Variants in PLEKHH1 observed in about 807,000 individuals in gnomAD.
PLEKHH1 encodes the protein pleckstrin homology, MyTH4 and FERM domain containing H1.
A neutral mutation model predicts 160.0 loss-of-function variants in PLEKHH1; 104 were observed. The ratio of observed to expected loss-of-function variants is 0.65; its 90% CI spans 0.55 to 0.76. PLEKHH1 has a LOEUF of 0.76. Ranked by LOEUF, PLEKHH1 falls within the 30% of genes least tolerant of loss-of-function variation. The pLI is 0.00. For missense variants in PLEKHH1, 1,427 were observed against 1,724.1 expected, an observed-to-expected ratio of 0.83 and a Z score of 3.05; for synonymous variants, 619 against 678.4, an observed-to-expected ratio of 0.91 and a Z score of 1.36.
chr14:67,545,518 G>C (rs149869069), intron 2 of PLEKHH1, among the ~76,000 whole-genome samples: 1 of 151,890 alleles, frequency 6.6e-6, no homozygotes, highest in Non-Finnish European at 1.5e-5. Context: ...ATACAGATAG[G>C]GACAAGAAAA....
intron 7 of PLEKHH1, among the ~76,000 whole-genome samples, chr14:67,564,302 CCTTA>C (rs1164745553): frequency 6.6e-6 from 1 of 152,160 alleles, no homozygotes; most frequent in Non-Finnish European, 1.5e-5. Context: ...AGGCCAGCTT[CCTTA>C]CTTGTAACAT....
chr14:67,583,555 C>A (rs1005815499), intron 24 of PLEKHH1, among the ~76,000 whole-genome samples, 186 bp from the exon 25 acceptor site: 2 of 152,164 alleles, frequency 1.3e-5, no homozygotes, highest in African/African-American at 4.8e-5. Context: ...TATTCGAGGG[C>A]CCTAAGTTTG....
intron 5 of PLEKHH1, among the ~76,000 whole-genome samples, chr14:67,560,271 C>T (rs987080730): frequency 2.0e-5 from 3 of 152,182 alleles, no homozygotes; most frequent in Non-Finnish European, 2.9e-5. Context: ...AGGTGATTCA[C>T]CCACCTCGGC....
intron 1 of PLEKHH1, among the ~76,000 whole-genome samples, chr14:67,539,803 T>A (rs2033893182): frequency 6.6e-6 from 1 of 152,240 alleles, no homozygotes; most frequent in African/African-American, 2.4e-5. Flanking sequence ...TGTTCCTCAG[T>A]GTCCTCATGT....
chr14:67,534,945 T>C (rs1332938467), intron 1 of PLEKHH1, among the ~76,000 whole-genome samples: 2 of 152,202 alleles, frequency 1.3e-5, no homozygotes, highest in Admixed American at 6.5e-5. Flanking sequence ...TAGCAAAAGG[T>C]TGGAAACAAT....
At chr14:67,549,423 A>C (rs557605569) in intron 2 of PLEKHH1, among the ~76,000 whole-genome samples, 15 of 152,120 alleles carry the variant, frequency 9.9e-5, no homozygotes, top group African/African-American at 3.6e-4. Flanking sequence ...GGCACATGCC[A>C]CCACGCCCAG....
At chr14:67,579,968 T>C (rs1566761452) in intron 22 of PLEKHH1, 92 bp downstream of exon 22, 10 of 1,234,272 alleles carry the variant, frequency 8.1e-6, no homozygotes, top group African/African-American at 1.5e-5. Context: ...TCTGACTGTT[T>C]GGTAGCTCAT....
In PLEKHH1 at chr14:67,573,294, G is replaced by C; in HGVS notation, c.1747G>C (p.Gly583Arg). 6.2e-7 allele frequency: 1 copy of C among 1,612,748 alleles called. No individual in the cohort carries two copies. ...GLGGESLEKS[G>R]YLLKMGSQVK... Reference sequence around the variant, plus strand: ...CCCTCAGGAGTCACTGGAGAAGTCGGGCTACCTGCTGAAAATGGGGAGCCA... The same window carrying C: ...CCCTCAGGAGTCACTGGAGAAGTCGCGCTACCTGCTGAAAATGGGGAGCCA... The change falls in exon 12 of 29, where the codon GGC becomes CGC. Residue 583 changes from glycine to arginine, a missense_variant. Coordinates refer to ENST00000329153, the MANE Select transcript of PLEKHH1 (RefSeq NM_020715.3). The surrounding 1 kb of genome is among the most constrained non-coding windows in gnomAD (Gnocchi z 4.8).
At chr14:67,585,185 C>T in intron 26 of PLEKHH1, 1 of 173,048 alleles carries the variant, frequency 5.8e-6, no homozygotes, top group Non-Finnish European at 1.2e-5. Flanking sequence ...AGGTGGAATG[C>T]CGTGTTTCCA....
Position 67,573,054 on chromosome 14 carries a change from T to A in PLEKHH1, c.1729-222T>A, listed in dbSNP as rs1328555005. 6.6e-6 allele frequency among the ~76,000 whole-genome samples: 1 copy of A among 152,238 alleles called. No homozygotes were observed. Among genetic ancestry groups the A allele is most frequent in the Non-Finnish European group, 1.5e-5 (1 of 68,040 alleles). ...TTCTCATAGTGAGGTCTTCCCCAGCTAGCATGGGAGCCCTTCCTTGGCAGG... is the reference window on the plus strand; with the variant it reads ...TTCTCATAGTGAGGTCTTCCCCAGCAAGCATGGGAGCCCTTCCTTGGCAGG... On this transcript the variant is annotated intron_variant, in intron 11 of 28. Transcript: ENST00000329153. This position sits in a 1 kb window ranked among gnomAD's most constrained non-coding sequence, Gnocchi z 4.8.
chr14:67,583,952 C>T lies in PLEKHH1; in HGVS notation c.3570-43C>T, dbSNP rs376090381. 83 of 1,612,468 alleles carry T rather than the reference C, an allele frequency of 5.1e-5. No individual in the cohort carries two copies. In the South Asian group the frequency reaches 7.7e-4, roughly 15 times the overall value. On this transcript the variant is annotated intron_variant, in intron 25 of 28. Coordinates refer to ENST00000329153, the MANE Select transcript of PLEKHH1 (RefSeq NM_020715.3). ...TCTCAGGCCTGGAATGAAGACACGT[C>T]GGCACTTCATTGGCACTATTTCTCT...
At position 67,579,865 on chromosome 14, in the gene PLEKHH1, G is replaced by C. The variant is rs772013981; in HGVS notation, c.3172G>C (p.Gly1058Arg). 1 of 1,601,184 alleles carries C rather than the reference G, an allele frequency of 6.2e-7. No homozygotes were observed. The highest frequency in any genetic ancestry group is 8.5e-7 in the Non-Finnish European group (1 of 1,173,986). ...SGRDLEHCLQ[G>R]SVKICDAISK... ...CAGGGACCTGGAGCACTGCCTGCAG[G>C]GAAGTGTCAAGGTGACAGCCTCCCA... The change falls in exon 22 of 29, where the codon GGA (glycine) becomes CGA (arginine). Residue 1058 changes from glycine (G) to arginine (R), a missense_variant. Transcript: ENST00000329153.
intron 8 of PLEKHH1, among the ~76,000 whole-genome samples, chr14:67,569,551 A>G (rs531805589): frequency 1.3e-5 from 2 of 152,198 alleles, no homozygotes; most frequent in Non-Finnish European, 2.9e-5. Flanking sequence ...CCTGATTTAC[A>G]TGAACCCCAC....
chr14:67,584,861 T>C lies in PLEKHH1; in HGVS notation c.3700-707T>C, dbSNP rs546687099. On this transcript the variant is annotated intron_variant, in intron 26 of 28. Coordinates refer to ENST00000329153, the MANE Select transcript of PLEKHH1 (RefSeq NM_020715.3). ...ATATATATTTATAAGCCATCACAAA[T>C]GCTATGAAGATGTACAGAGGTGTTA... Among the ~76,000 whole-genome samples, 161 of 152,342 alleles carry C rather than the reference T, an allele frequency of 1.1e-3. 1 individual carries two copies. The highest frequency in any genetic ancestry group is 3.8e-3 in the African/African-American group (156 of 41,580).
At chr14:67,562,993 G>A (rs1594766647) in intron 7 of PLEKHH1, 99 bp downstream of exon 7, 1 of 1,254,514 alleles carries the variant, frequency 8.0e-7, no homozygotes, top group Non-Finnish European at 1.1e-6. Context: ...GGAGGCTGCT[G>A]GCATCCTCAT....
chr14:67,541,989 A>T lies in PLEKHH1; in HGVS notation c.122A>T (p.Asp41Val). Residue 41 changes from aspartate (D) to valine (V), a missense_variant, in exon 2 of 29, where the codon GAC (aspartate) becomes GTC (valine). Physicochemically the swap from Asp to Val is radical, Grantham distance 152. Transcript: ENST00000329153. ...AGCAAGATAAGGGAGCTGCTGGCTG[A>T]CAAGGTGAGTCCCTCAGAGCAGGGA... ...QASKIRELLA[D>V]KMQELEQRLL... The T allele has an allele frequency of 6.2e-7, 1 of 1,604,558 alleles. No homozygotes were observed. The highest frequency in any genetic ancestry group is 8.5e-7 in the Non-Finnish European group (1 of 1,176,058).
Position 67,555,839 on chromosome 14 carries a change from G to A in PLEKHH1, c.141G>A (p.Glu47=). ...TGGCCAAGCAGATGCAGGAGCTGGA[G>A]CAGAGGCTGCTGGAGGCAGAGCAGA... is the stretch of plus-strand genomic sequence containing the variant. ...ELLADKMQEL[E]QRLLEAEQRA... Residue 47 remains glutamate, a synonymous_variant, in exon 3 of 29, where the codon GAG becomes GAA. Transcript: ENST00000329153. 1 of 1,613,318 alleles carries A rather than the reference G, an allele frequency of 6.2e-7. No individual in the cohort carries two copies.
chr14:67,581,047 C>T lies in PLEKHH1; in HGVS notation c.3284+9C>T, dbSNP rs781235031. The T allele has an allele frequency of 5.7e-6, 9 of 1,574,304 alleles. No homozygotes were observed. The highest frequency in any genetic ancestry group is 7.9e-6 in the Non-Finnish European group (9 of 1,143,704). On this transcript the variant is annotated intron_variant, in intron 23 of 28. Transcript: ENST00000329153. ...CTGATGTACAAGAACAGGTCCTAAG[C>T]ACTGCACGAGGGTGGGGCCAAACAC...
chr14:67,534,761 G>A (rs12434659), intron 1 of PLEKHH1, among the ~76,000 whole-genome samples: 92,051 of 151,782 alleles, frequency 0.61, 28,333 homozygotes, highest in Non-Finnish European at 0.65. Flanking sequence ...CAGCTGTAGG[G>A]GAGAGCATGT....
Sources: gnomAD v4.1 joint callset for allele counts (sites outside exome capture counted in the v4.1 genomes callset) on GRCh38, gnomAD v4.1.1 for gene constraint, Gnocchi (gnomAD v3.1) non-coding constraint, MANE v1.5 for transcripts, NCBI Gene and HGNC (gene_info 2026-07-23, HGNC 2026-07-21) for gene names.